The following SUZ12 variants were observed in gnomAD, a reference collection of about 807,000 sequenced individuals.
The protein encoded by SUZ12 is polycomb protein SUZ12.
Under a neutral mutation model 87.3 loss-of-function variants are expected in SUZ12, and 17 were observed. The ratio of observed to expected loss-of-function variants is 0.19; its 90% confidence interval spans 0.13 to 0.29. The LOEUF (loss-of-function observed/expected upper bound fraction) is 0.29, where lower values mean the gene tolerates loss of function less well. SUZ12 is among the 10% of genes least tolerant of loss of function. The pLI is 1.00. For synonymous variants in SUZ12, 253 were observed against 312.4 expected (o/e 0.81, Z 2.01); for missense variants, 526 against 912.2 (o/e 0.58, Z 5.45).
chr17:31,965,153 A>AT (rs1335011408), intron 4 of SUZ12, among the ~76,000 whole-genome samples: 3 of 151,882 alleles, frequency 2.0e-5, no homozygotes, highest in African/African-American at 7.3e-5. Context: ...ATTTAAAAAA[A>AT]AAATATATAT....
In SUZ12 at chr17:31,951,482, C is replaced by CTT. The variant is rs1038403579; in HGVS notation, c.455+3814_455+3815dup. ...ATGAGCTATTAAATGGTGGTTAGTT[C>CTT]TTTTTTTTTTTTTTTTTTGAGACGG... On this transcript the variant is annotated intron_variant, in intron 4 of 15. Coordinates refer to ENST00000322652, the MANE Select transcript of SUZ12 (RefSeq NM_015355.4). 2.5e-3 allele frequency among the ~76,000 whole-genome samples: 330 copies of CTT among 133,294 alleles called. 1 individual carries two copies. The highest frequency in any genetic ancestry group is 8.5e-3 in the African/African-American group (308 of 36,352). The allele number at this position is 133,294 out of a possible 152,430, so 87.4% of individuals were successfully genotyped here.
chr17:31,991,761 T>G (rs58879813), intron 10 of SUZ12, among the ~76,000 whole-genome samples: 11 of 151,908 alleles, frequency 7.2e-5, no homozygotes, highest in Admixed American at 2.6e-4. Flanking sequence ...TGTGCCACCA[T>G]GCCTGGCTAG....
intron 8 of SUZ12, among the ~76,000 whole-genome samples, chr17:31,979,241 C>T (rs1461356542): frequency 6.6e-6 from 1 of 151,644 alleles, no homozygotes; most frequent in Non-Finnish European, 1.5e-5. Context: ...ATTTATGAGG[C>T]TATATTTTAT....
chr17:31,949,843 C>T (rs1192652719), intron 4 of SUZ12, among the ~76,000 whole-genome samples: 1 of 151,376 alleles, frequency 6.6e-6, no homozygotes, highest in Non-Finnish European at 1.5e-5. Flanking sequence ...ACCACCACAC[C>T]CAGCTGATTT....
At chr17:31,951,001 C>G (rs1190256994) in intron 4 of SUZ12, among the ~76,000 whole-genome samples, 1 of 152,038 alleles carries the variant, frequency 6.6e-6, no homozygotes, top group African/African-American at 2.4e-5. Context: ...AGGATGGTCT[C>G]GATCTCCTGA....
intron 14 of SUZ12, 84 bp downstream of exon 14, chr17:31,995,846 G>C: frequency 1.1e-6 from 1 of 937,864 alleles, no homozygotes; most frequent in Non-Finnish European, 1.6e-6. Context: ...GACTTTTATT[G>C]TAAAGGAACT....
intron 4 of SUZ12, among the ~76,000 whole-genome samples, chr17:31,955,418 GACCACAGGCGCAAGAT>G (rs1907251612): frequency 6.6e-6 from 1 of 151,986 alleles, no homozygotes; most frequent in Non-Finnish European, 1.5e-5. Context: ...AATAGCCTAG[GACCACAGGCGCAAGAT>G]ACCATGCCTG....
chr17:31,995,960 A>G (rs367616307), intron 14 of SUZ12, among the ~76,000 whole-genome samples, 198 bp downstream of exon 14: 2 of 152,146 alleles, frequency 1.3e-5, no homozygotes, highest in South Asian at 2.1e-4. Context: ...CACACCTGTA[A>G]TCCTAGCACT....
chr17:31,969,425 AGT>A (rs926109878), intron 5 of SUZ12, among the ~76,000 whole-genome samples: 8 of 151,988 alleles, frequency 5.3e-5, no homozygotes, highest in Admixed American at 4.6e-4. Flanking sequence ...CTGGGATTTC[AGT>A]AGGCATGAGC....
chr17:31,999,890 T>TAA lies in SUZ12; in HGVS notation c.*888_*889dup, dbSNP rs1173471903. ...ATTTGAGATTTTAAGATGTCACTTA[T>TAA]AAGGGGAGAAGTGTTCTTAAAAAGT... On this transcript the variant is annotated 3_prime_UTR_variant, in exon 16 of 16. Coordinates refer to ENST00000322652, the MANE Select transcript of SUZ12 (RefSeq NM_015355.4). 4.3e-6 allele frequency: 1 copy of TAA among 232,670 alleles called. No homozygotes were observed. The highest frequency in any genetic ancestry group is 2.2e-5 in the African/African-American group (1 of 45,332). 14.4% of individuals were successfully genotyped at this position (232,670 alleles called of 1,614,324 possible).
intron 4 of SUZ12, 68 bp downstream of exon 4, chr17:31,947,753 T>C: frequency 6.8e-7 from 1 of 1,468,216 alleles, no homozygotes; most frequent in South Asian, 1.3e-5. Context: ...CAGTGATCAT[T>C]TTCCTAGTGA....
intron 5 of SUZ12, among the ~76,000 whole-genome samples, chr17:31,972,198 T>C (rs1165330312): frequency 6.6e-6 from 1 of 151,806 alleles, no homozygotes; most frequent in Non-Finnish European, 1.5e-5. Context: ...GGTGGGAGGA[T>C]CACTTTAACC....
chr17:31,979,863 C>A (rs143641295), intron 8 of SUZ12, among the ~76,000 whole-genome samples: 257 of 152,210 alleles, frequency 1.7e-3, no homozygotes, highest in African/African-American at 5.6e-3. Flanking sequence ...ATTATTTTTG[C>A]TTGAATAAAT....
At chr17:31,975,778 C>T in intron 7 of SUZ12, 65 bp downstream of exon 7, 1 of 1,292,274 alleles carries the variant, frequency 7.7e-7, no homozygotes. Flanking sequence ...ATGATTGTAC[C>T]AGTGTTCCTT....
Position 31,995,642 on chromosome 17 carries a change from T to C in SUZ12, c.1674T>C (p.Ser558=), listed in dbSNP as rs1200338448. Residue 558 remains serine (S), a synonymous_variant, in exon 14 of 16, where the codon AGT becomes AGC. Coordinates refer to ENST00000322652, the MANE Select transcript of SUZ12 (RefSeq NM_015355.4). The part of the protein sequence containing the change: ...DGEVEQQRTY[S]SGHNRLYFHS... ...AAGTAGAACAGCAAAGAACATATAGTAGTGGCCACAATCGTCTGTATTTCC... is the reference window on the plus strand; with the variant it reads ...AAGTAGAACAGCAAAGAACATATAGCAGTGGCCACAATCGTCTGTATTTCC... The C allele has an allele frequency of 3.1e-6, 5 of 1,613,940 alleles. No individual in the cohort carries two copies. The highest frequency in any genetic ancestry group is 4.2e-6 in the Non-Finnish European group (5 of 1,179,930).
At chr17:31,973,095 C>G (rs1490493838) in intron 5 of SUZ12, 51 bp from the exon 6 acceptor site, 1 of 1,475,686 alleles carries the variant, frequency 6.8e-7, no homozygotes. Flanking sequence ...AAATGAATAC[C>G]TTGTTCATAT....
At chr17:31,987,805 G>T (rs993713271) in intron 9 of SUZ12, among the ~76,000 whole-genome samples, 1 of 152,104 alleles carries the variant, frequency 6.6e-6, no homozygotes, top group Non-Finnish European at 1.5e-5. Flanking sequence ...GGGCGTGACG[G>T]CAGGTGCCTG....
chr17:31,997,556 G>A (rs555814765), intron 15 of SUZ12, among the ~76,000 whole-genome samples: 81 of 151,694 alleles, frequency 5.3e-4, no homozygotes, highest in African/African-American at 1.7e-3. Flanking sequence ...CCAGTTACTC[G>A]GGAGGCTGAG....
At chr17:31,946,431 C>A (rs1325867642) in intron 3 of SUZ12, among the ~76,000 whole-genome samples, 8 of 152,110 alleles carry the variant, frequency 5.3e-5, no homozygotes, top group Non-Finnish European at 1.0e-4. Context: ...ACTCGGGAGG[C>A]TGAGGCAGGA....
Sources: gnomAD v4.1 joint callset for allele counts (sites outside exome capture counted in the v4.1 genomes callset) on GRCh38, gnomAD v4.1.1 for gene constraint, MANE v1.5 for transcripts, NCBI Gene and HGNC (gene_info 2026-07-23, HGNC 2026-07-21) for gene names.